KLHL8: variants seen among roughly 807,000 people sequenced by gnomAD.
KLHL8 encodes kelch-like protein 8.
A neutral mutation model predicts 63.5 loss-of-function variants in KLHL8; 38 were observed. The observed-to-expected ratio is 0.60, with a 90% CI of 0.46 to 0.78. KLHL8 has a LOEUF of 0.78. Among genes scored for constraint, KLHL8 ranks in the 30% least tolerant of loss-of-function variants. KLHL8 has a pLI of 0.00. For missense variants in KLHL8, 566 were observed against 752.4 expected, an observed-to-expected ratio of 0.75 and a Z score of 2.90; for synonymous variants, 224 against 254.3, an observed-to-expected ratio of 0.88 and a Z score of 1.13.
In KLHL8 at chr4:87,163,247, T is replaced by G. The variant is rs1254856427; in HGVS notation, c.*272A>C. On this transcript the variant is annotated 3_prime_UTR_variant, in exon 10 of 10. Transcript: ENST00000273963. ...GAGATTTCAAGATTTTTGGCACTAC[T>G]TTAAGCATTTTTCAGGGTAGGTATG... The G allele has an allele frequency of 8.1e-6, 2 of 248,280 alleles. No individual in the cohort carries two copies. The highest frequency in any genetic ancestry group is 4.5e-5 in the African/African-American group (2 of 44,324). 15.4% of individuals were successfully genotyped at this position (248,280 alleles called of 1,614,324 possible).
chr4:87,210,038 TG>T (rs1300932705), intron 1 of KLHL8, among the ~76,000 whole-genome samples: 1 of 151,990 alleles, frequency 6.6e-6, no homozygotes, highest in Non-Finnish European at 1.5e-5. Context: ...TTGTATTTTT[TG>T]TAGAGATGGG....
intron 1 of KLHL8, among the ~76,000 whole-genome samples, chr4:87,217,492 A>C (rs1036440861): frequency 6.6e-6 from 1 of 151,814 alleles, no homozygotes; most frequent in Non-Finnish European, 1.5e-5. Flanking sequence ...ACACCACCAC[A>C]TCTGGGTAAT....
At chr4:87,225,729 T>C (rs1732961256) in intron 1 of KLHL8, among the ~76,000 whole-genome samples, 1 of 152,194 alleles carries the variant, frequency 6.6e-6, no homozygotes, top group South Asian at 2.1e-4. Flanking sequence ...GGTGGGTCTG[T>C]GGGTGAAGCT....
upstream of KLHL8, among the ~76,000 whole-genome samples, chr4:87,224,316 T>TTATC (rs1732935496): frequency 6.6e-6 from 1 of 152,184 alleles, no homozygotes; most frequent in African/African-American, 2.4e-5. Flanking sequence ...CAAAAGAATT[T>TTATC]CAGATGTGGG....
Position 87,218,250 on chromosome 4 carries a change from T to A in KLHL8, c.-152+2168A>T, listed in dbSNP as rs561439467. ...GATCAAAATTTACCCAACTTTTTTT[T>A]TTTTTTTAGATGGAGTCTCGTTCTA... On this transcript the variant is annotated intron_variant, in intron 1 of 9. Transcript: ENST00000273963. 4.8e-3 allele frequency among the ~76,000 whole-genome samples: 728 copies of A among 152,184 alleles called. 9 individuals carry two copies. Among genetic ancestry groups the A allele is most frequent in the African/African-American group, 0.016 (667 of 41,500 alleles).
intron 2 of KLHL8, among the ~76,000 whole-genome samples, chr4:87,189,845 T>C (rs1313444570): frequency 6.6e-6 from 1 of 151,160 alleles, no homozygotes; most frequent in African/African-American, 2.4e-5. Flanking sequence ...CTGGCTAACA[T>C]GGTGAAACCC....
At chr4:87,235,022 A>G (rs1270391747) in intron 1 of KLHL8, among the ~76,000 whole-genome samples, 1 of 152,234 alleles carries the variant, frequency 6.6e-6, no homozygotes, top group Admixed American at 6.5e-5. Flanking sequence ...AAGTTTATAA[A>G]GTTTATAAAG....
At chr4:87,210,325 A>G (rs913215690) in intron 1 of KLHL8, among the ~76,000 whole-genome samples, 2 of 152,128 alleles carry the variant, frequency 1.3e-5, no homozygotes, top group African/African-American at 4.8e-5. Context: ...AAAAAAACAC[A>G]AAAAACTTAG....
upstream of KLHL8, among the ~76,000 whole-genome samples, chr4:87,222,411 C>T (rs1432701711): frequency 6.6e-6 from 1 of 152,108 alleles, no homozygotes; most frequent in Non-Finnish European, 1.5e-5. Context: ...TAATCATTCT[C>T]CTGAAATCTC....
In KLHL8 at chr4:87,163,497, T is replaced by C. The variant is rs768896779; in HGVS notation, c.*22A>G. ...TTTGTACCTATCAGATATGACTAAATTGTTGGTGGCCAGAACTCAAATCAC... is the reference window on the plus strand; with the variant it reads ...TTTGTACCTATCAGATATGACTAAACTGTTGGTGGCCAGAACTCAAATCAC... On this transcript the variant is annotated 3_prime_UTR_variant, in exon 10 of 10. Coordinates refer to ENST00000273963, the MANE Select transcript of KLHL8 (RefSeq NM_020803.5). The C allele has an allele frequency of 1.2e-6, 2 of 1,613,240 alleles. No individual in the cohort carries two copies. Among genetic ancestry groups the C allele is most frequent in the Admixed American group, 1.7e-5 (1 of 59,898 alleles).
chr4:87,170,462 G>A lies in KLHL8; in HGVS notation c.1362C>T (p.Gly454=), dbSNP rs150094972. ...TATAACTTACTACTAGAGCAACAGA[G>A]CCAACTCCTCCACGGGGAGTATTCA... The part of the protein sequence containing the change: ...APMNTPRGGV[G]SVALVNHVYA... The change falls in exon 7 of 10, where the codon GGC becomes GGT. Residue 454 remains glycine (G), a synonymous_variant. Coordinates refer to ENST00000273963, the MANE Select transcript of KLHL8 (RefSeq NM_020803.5). The A allele has an allele frequency of 3.1e-6, 5 of 1,604,192 alleles. No homozygotes were observed. Among genetic ancestry groups the A allele is most frequent in the Non-Finnish European group, 4.2e-6 (5 of 1,177,506 alleles).
rs186680867 is a variant in KLHL8, at chr4:87,211,268, C to A, written c.-152+9150G>T. On this transcript the variant is annotated intron_variant, in intron 1 of 9. Coordinates refer to ENST00000273963, the MANE Select transcript of KLHL8 (RefSeq NM_020803.5). ...CTTCAATTTTTGAATCACTTTATTTCAAAGGTAATACTCTTCTTAAAATTT... is the reference window on the plus strand; with the variant it reads ...CTTCAATTTTTGAATCACTTTATTTAAAAGGTAATACTCTTCTTAAAATTT... Among the ~76,000 whole-genome samples the A allele has an allele frequency of 3.1e-4, 47 of 152,242 alleles. No homozygotes were observed. In the South Asian group the frequency reaches 7.4e-3, roughly 24 times the overall value.
intron 1 of KLHL8, among the ~76,000 whole-genome samples, chr4:87,213,851 C>T (rs933409098): frequency 3.9e-5 from 6 of 152,170 alleles, no homozygotes; most frequent in African/African-American, 1.4e-4. Flanking sequence ...ACACAAGGCA[C>T]ATAAACTGGC....
intron 1 of KLHL8, among the ~76,000 whole-genome samples, chr4:87,215,848 C>T (rs1484300854): frequency 6.6e-6 from 1 of 152,110 alleles, no homozygotes; most frequent in Non-Finnish European, 1.5e-5. Flanking sequence ...CATACATATC[C>T]ATCTTTTCAA....
At chr4:87,188,876 T>G (rs1054945595) in intron 2 of KLHL8, among the ~76,000 whole-genome samples, 3 of 152,256 alleles carry the variant, frequency 2.0e-5, no homozygotes, top group African/African-American at 4.8e-5. Flanking sequence ...ATACTATATG[T>G]CCCTGATACT....
intron 1 of KLHL8, among the ~76,000 whole-genome samples, chr4:87,239,572 T>C (rs1168333403): frequency 2.0e-5 from 3 of 152,190 alleles, no homozygotes; most frequent in Non-Finnish European, 4.4e-5. Context: ...ATGAGGTGGA[T>C]AAGGCCAAGC....
intron 1 of KLHL8, among the ~76,000 whole-genome samples, chr4:87,204,600 G>A (rs1227970992): frequency 6.6e-6 from 1 of 152,118 alleles, no homozygotes; most frequent in Non-Finnish European, 1.5e-5. Context: ...ACAAACTGTG[G>A]GTACACCCAT....
intron 1 of KLHL8, among the ~76,000 whole-genome samples, chr4:87,197,571 G>A (rs991796642): frequency 6.6e-6 from 1 of 152,162 alleles, no homozygotes; most frequent in Non-Finnish European, 1.5e-5. Context: ...CAACTACACT[G>A]TGCCCAAACT....
chr4:87,223,942 C>T (rs538810817), upstream of KLHL8, among the ~76,000 whole-genome samples: 1 of 152,290 alleles, frequency 6.6e-6, no homozygotes, highest in African/African-American at 2.4e-5. Context: ...GAAATTCCTT[C>T]CCTTCCCTCA....
Sources: allele counts gnomAD v4.1 joint callset (sites outside exome capture counted in the v4.1 genomes callset), GRCh38; gene constraint gnomAD v4.1.1; transcripts MANE v1.5; gene names NCBI Gene and HGNC (gene_info 2026-07-23, HGNC 2026-07-21).